Variants in ZFPM2 observed in about 807,000 individuals in gnomAD.
The protein encoded by ZFPM2 is zinc finger protein, FOG family member 2.
Under a neutral mutation model 98.6 loss-of-function variants are expected in ZFPM2, and 20 were observed. The ratio of observed to expected loss-of-function variants is 0.20; its 90% CI spans 0.14 to 0.29. ZFPM2 has a LOEUF of 0.29. Among genes scored for constraint, ZFPM2 ranks in the 10% least tolerant of loss-of-function variants. ZFPM2 has a pLI of 1.00. For synonymous variants in ZFPM2, 518 were observed against 502.7 expected (o/e 1.03, Z -0.41); for missense variants, 1,310 against 1,388.6 (o/e 0.94, Z 0.90).
At chr8:105,666,272 C>A (rs1283192414) in intron 5 of ZFPM2, among the ~76,000 whole-genome samples, 1 of 152,224 alleles carries the variant, frequency 6.6e-6, no homozygotes, top group East Asian at 1.9e-4. Context: ...TAAAACAATT[C>A]TTCTTCTGAT....
At chr8:105,394,145 G>C (rs190030613) in intron 1 of ZFPM2, among the ~76,000 whole-genome samples, 1 of 151,980 alleles carries the variant, frequency 6.6e-6, no homozygotes, top group Non-Finnish European at 1.5e-5. Context: ...CGCCCGCCTC[G>C]GCCTCCCAAA....
chr8:105,677,961 A>G, intron 5 of ZFPM2, among the ~76,000 whole-genome samples: 1 of 152,180 alleles, frequency 6.6e-6, no homozygotes, highest in East Asian at 1.9e-4. Context: ...AGCTGCTCAT[A>G]AGATGTTATC....
chr8:105,330,635 T>TATATATACACATATATATATATATATAC (rs1812215546), intron 1 of ZFPM2, among the ~76,000 whole-genome samples: 3 of 91,934 alleles, frequency 3.3e-5, no homozygotes, highest in African/African-American at 1.3e-4. Context: ...TATATATACA[T>TATATATACACATATATATATATATATAC]ATATATATAT....
intron 5 of ZFPM2, chr8:105,679,176 A>G (rs1292338107): frequency 3.9e-5 from 6 of 152,334 alleles, no homozygotes; most frequent in South Asian, 2.1e-4. Flanking sequence ...AATTATTGCC[A>G]TCATTTAAAA....
In ZFPM2 at chr8:105,799,027, G is replaced by A. The variant is rs16873705; in HGVS notation, c.964+79G>A. Reference sequence around the variant, plus strand: ...AAATATATATGCATTACATGTATACGTCTATATCTGTCTATCTGTAGCTAT... The same window carrying A: ...AAATATATATGCATTACATGTATACATCTATATCTGTCTATCTGTAGCTAT... On this transcript the variant is annotated intron_variant, in intron 7 of 7. Transcript: ENST00000407775. The A allele has an allele frequency of 0.1, 125,001 of 1,204,326 alleles. 10,573 individuals carry two copies. Among genetic ancestry groups the A allele is most frequent in the African/African-American group, 0.44 (28,770 of 65,976 alleles). The allele number at this position is 1,204,326 out of a possible 1,614,324, so 74.6% of individuals were successfully genotyped here.
intron 5 of ZFPM2, among the ~76,000 whole-genome samples, chr8:105,646,065 AAAAG>A (rs1251080029): frequency 1.1e-4 from 15 of 137,868 alleles, no homozygotes; most frequent in Non-Finnish European, 1.4e-4. Flanking sequence ...AAAAAAAAAA[AAAAG>A]AAAGAAAGGA....
chr8:105,794,708 C>T (rs1053051019), intron 6 of ZFPM2, among the ~76,000 whole-genome samples: 81 of 152,346 alleles, frequency 5.3e-4, no homozygotes, highest in African/African-American at 1.8e-3. Flanking sequence ...GGCAGGCAGA[C>T]CTCCTGGAGC....
intron 1 of ZFPM2, among the ~76,000 whole-genome samples, chr8:105,371,963 A>C (rs1252488669): frequency 1.3e-5 from 2 of 151,454 alleles, no homozygotes; most frequent in Non-Finnish European, 2.9e-5. Flanking sequence ...AGTGCATGCA[A>C]CTTACATTTC....
At chr8:105,470,902 A>G (rs1812890381) in intron 3 of ZFPM2, among the ~76,000 whole-genome samples, 1 of 152,184 alleles carries the variant, frequency 6.6e-6, no homozygotes, top group African/African-American at 2.4e-5. Flanking sequence ...AAATTACTAA[A>G]TTCAAAATTA....
chr8:105,553,592 C>T (rs925334631), intron 3 of ZFPM2, among the ~76,000 whole-genome samples: 6 of 152,244 alleles, frequency 3.9e-5, no homozygotes, highest in Admixed American at 3.3e-4. Flanking sequence ...TAATTCAGTG[C>T]TCTTTGTGTT....
chr8:105,665,589 A>C (rs879534976), intron 5 of ZFPM2, among the ~76,000 whole-genome samples: 3 of 152,182 alleles, frequency 2.0e-5, no homozygotes, highest in Non-Finnish European at 4.4e-5. Flanking sequence ...GACAACCTAT[A>C]AATGCTACAA....
intron 5 of ZFPM2, among the ~76,000 whole-genome samples, chr8:105,657,372 C>T (rs1817305823): frequency 6.6e-6 from 1 of 152,166 alleles, no homozygotes. Context: ...CTCCTGACCT[C>T]AGGTGATCCA....
intron 4 of ZFPM2, among the ~76,000 whole-genome samples, 195 bp downstream of exon 4, chr8:105,561,676 C>T (rs1815140194): frequency 6.6e-6 from 1 of 152,114 alleles, no homozygotes; most frequent in Non-Finnish European, 1.5e-5. Context: ...AGAATTTAGA[C>T]AGAAACAGGT....
At chr8:105,723,157 A>C (rs1586220611) in intron 5 of ZFPM2, among the ~76,000 whole-genome samples, 1 of 148,914 alleles carries the variant, frequency 6.7e-6, no homozygotes, top group Admixed American at 6.7e-5. Context: ...TCCCCCACCC[A>C]TTTTTTTTTC....
intron 3 of ZFPM2, among the ~76,000 whole-genome samples, chr8:105,487,883 A>T (rs1813261194): frequency 6.8e-6 from 1 of 147,808 alleles, no homozygotes; most frequent in African/African-American, 2.5e-5. Flanking sequence ...AACCCTATAA[A>T]GTCTGTCTGT....
chr8:105,798,926 A>C lies in ZFPM2; in HGVS notation c.942A>C (p.Glu314Asp). The C allele has an allele frequency of 6.2e-7, 1 of 1,613,788 alleles. No individual in the cohort carries two copies. Among genetic ancestry groups the C allele is most frequent in the Non-Finnish European group, 8.5e-7 (1 of 1,179,742 alleles). The change falls in exon 7 of 8, where the codon GAA becomes GAC. Residue 314 changes from glutamate to aspartate, a missense_variant. By Grantham distance (45) the Glu-to-Asp change is conservative (BLOSUM62 2). Coordinates refer to ENST00000407775, the MANE Select transcript of ZFPM2 (RefSeq NM_012082.4). ...TKSFSNARAL[E>D]MHLNSHSGVK... is the part of the protein sequence containing the mutation. ...GCTTTTCAAATGCTCGAGCTCTAGA[A>C]ATGCACCTGAATTCACACAGTGGTA...
chr8:105,530,850 T>C (rs1814282861), intron 3 of ZFPM2, among the ~76,000 whole-genome samples: 2 of 152,280 alleles, frequency 1.3e-5, no homozygotes, highest in Admixed American at 6.5e-5. Context: ...GGTAGTGAGC[T>C]CTACAATGTA....
At chr8:105,644,666 C>A (rs1309506844) in intron 5 of ZFPM2, among the ~76,000 whole-genome samples, 2 of 152,108 alleles carry the variant, frequency 1.3e-5, no homozygotes, top group Non-Finnish European at 2.9e-5. Flanking sequence ...ATATTTATTT[C>A]TCATGATTCC....
chr8:105,431,227 G>T (rs1481325120), intron 2 of ZFPM2, among the ~76,000 whole-genome samples: 2 of 152,002 alleles, frequency 1.3e-5, no homozygotes, highest in African/African-American at 4.8e-5. Context: ...TTTTTATGAT[G>T]TGGTCCATGC....
Sources: gnomAD v4.1 joint callset for allele counts (sites outside exome capture counted in the v4.1 genomes callset) on GRCh38, gnomAD v4.1.1 for gene constraint, MANE v1.5 for transcripts, NCBI Gene and HGNC (gene_info 2026-07-23, HGNC 2026-07-21) for gene names.